EVA1C: variants seen among roughly 807,000 people sequenced by gnomAD.
EVA1C encodes protein eva-1 homolog C.
In EVA1C, 25 loss-of-function variants were observed where a neutral mutation model predicts 45.4. That is an observed-to-expected ratio of 0.55 (90% CI 0.40 to 0.77). The LOEUF is 0.77. EVA1C is among the 30% of genes least tolerant of loss of function. EVA1C has a pLI of 0.00. For synonymous variants in EVA1C, 190 were observed against 221.2 expected (o/e 0.86, Z 1.25); for missense variants, 479 against 554.8 (o/e 0.86, Z 1.37).
At chr21:32,477,212 A>G (rs371235327) in intron 4 of EVA1C, among the ~76,000 whole-genome samples, 2 of 152,056 alleles carry the variant, frequency 1.3e-5, no homozygotes, top group African/African-American at 4.8e-5. Flanking sequence ...GCACATCAAG[A>G]TGACAGATAC....
At chr21:32,418,717 C>T (rs551207875) in intron 1 of EVA1C, among the ~76,000 whole-genome samples, 11 of 151,856 alleles carry the variant, frequency 7.2e-5, no homozygotes, top group Admixed American at 4.6e-4. Flanking sequence ...CTGGGGACTT[C>T]GCCTGCAAGG....
chr21:32,434,880 A>G (rs2034875510), intron 1 of EVA1C, among the ~76,000 whole-genome samples: 1 of 152,284 alleles, frequency 6.6e-6, no homozygotes, highest in Non-Finnish European at 1.5e-5. Flanking sequence ...AGCTTGTGGT[A>G]CCTTGTTATA....
At chr21:32,416,628 C>T (rs80010830) in intron 1 of EVA1C, among the ~76,000 whole-genome samples, 1 of 152,172 alleles carries the variant, frequency 6.6e-6, no homozygotes. Flanking sequence ...CGCACCCAGC[C>T]TCTCCTTTTC....
Position 32,430,241 on chromosome 21 carries a change from A to G in EVA1C, c.160+17228A>G, listed in dbSNP as rs141849995. Among the ~76,000 whole-genome samples the G allele has an allele frequency of 3.0e-3, 462 of 152,240 alleles. 1 individual carries two copies. The highest frequency in any genetic ancestry group is 5.0e-3 in the Non-Finnish European group (339 of 68,016). On this transcript the variant is annotated intron_variant, in intron 1 of 7. Coordinates refer to ENST00000300255, the MANE Select transcript of EVA1C (RefSeq NM_058187.5). ...CCAGCTTGCCTTCTTACTGCCTGGA[A>G]GAAGACTGGTGCCCTCTCGCCTTCT...
At chr21:32,494,131 A>C (rs2037262241) in intron 4 of EVA1C, among the ~76,000 whole-genome samples, 2 of 152,146 alleles carry the variant, frequency 1.3e-5, no homozygotes, top group Admixed American at 6.6e-5. Flanking sequence ...GATGGTACTT[A>C]GCACAGTGCC....
intron 7 of EVA1C, among the ~76,000 whole-genome samples, chr21:32,513,788 A>C (rs1212951676): frequency 1.3e-5 from 2 of 150,400 alleles, no homozygotes. Flanking sequence ...CAATCCACCC[A>C]CCTTGGCCTC....
chr21:32,474,746 C>T lies in EVA1C; in HGVS notation c.634+6898C>T, dbSNP rs1601363978. The stretch of plus-strand genomic sequence containing the variant: ...AAGTGAGGTGCCCACACTCGGCTCC[C>T]GAGGATGGATAATCGTCTGGTTACA... On this transcript the variant is annotated intron_variant, in intron 4 of 7. Coordinates refer to ENST00000300255, the MANE Select transcript of EVA1C (RefSeq NM_058187.5). This position sits in a 1 kb window ranked among gnomAD's most constrained non-coding sequence, Gnocchi z 4.4. Among the ~76,000 whole-genome samples the T allele has an allele frequency of 6.6e-6, 1 of 152,306 alleles. No homozygotes were observed. Among genetic ancestry groups the T allele is most frequent in the Non-Finnish European group, 1.5e-5 (1 of 68,034 alleles).
chr21:32,505,829 C>T (rs1256301873), intron 7 of EVA1C, among the ~76,000 whole-genome samples: 1 of 152,130 alleles, frequency 6.6e-6, no homozygotes, highest in African/African-American at 2.4e-5. Flanking sequence ...CCCCTTATGG[C>T]CTCCTTTAAC....
In EVA1C at chr21:32,515,008, T is replaced by A. The variant is rs200285305; in HGVS notation, c.1144T>A (p.Ser382Thr). 2.4e-5 allele frequency: 39 copies of A among 1,614,134 alleles called. No homozygotes were observed. The East Asian group carries it at 8.0e-4, about 33-fold the overall frequency. Reference sequence around the variant, plus strand: ...GGATGAAGAAGAGGAGGAGGACCCCTCTGAGTCTGATTTCCCAGGGGAACT... The same window carrying A: ...GGATGAAGAAGAGGAGGAGGACCCCACTGAGTCTGATTTCCCAGGGGAACT... ...SEDEEEEEDP[S>T]ESDFPGELSG... Residue 382 changes from serine to threonine, a missense_variant, in exon 8 of 8, where the codon TCT becomes ACT. Ser to Thr is a moderately conservative substitution (Grantham distance 58). Transcript: ENST00000300255.
chr21:32,448,024 C>T (rs917213464), intron 1 of EVA1C, among the ~76,000 whole-genome samples: 9 of 152,096 alleles, frequency 5.9e-5, no homozygotes, highest in Non-Finnish European at 1.0e-4. Flanking sequence ...ACTTTTCAAC[C>T]TTTTCCGAAC....
chr21:32,457,892 G>A (rs1266247995), intron 3 of EVA1C, among the ~76,000 whole-genome samples, 172 bp downstream of exon 3: 1 of 152,178 alleles, frequency 6.6e-6, no homozygotes, highest in Non-Finnish European at 1.5e-5. Context: ...AAGAAAGACA[G>A]AGAAAGAAAG....
At chr21:32,485,046 C>A (rs1210254559) in intron 4 of EVA1C, among the ~76,000 whole-genome samples, 1 of 152,158 alleles carries the variant, frequency 6.6e-6, no homozygotes, top group Non-Finnish European at 1.5e-5. Context: ...AAGCGTCAAA[C>A]ATATTAGACG....
rs1401242045 is a variant in EVA1C at position 32,452,072 on chromosome 21, A to G, written c.161-1240A>G. 1 of 152,264 alleles carries G rather than the reference A, an allele frequency of 6.6e-6. No individual in the cohort carries two copies. The highest frequency in any genetic ancestry group is 1.9e-4 in the East Asian group (1 of 5,186). 9.4% of individuals were successfully genotyped at this position (152,264 alleles called of 1,614,324 possible). Reference sequence around the variant, plus strand: ...GAGCCAAGAGTGATTTCTTGAAATGAAATTGCATCCTCTCATTCCAATAAG... The same window carrying G: ...GAGCCAAGAGTGATTTCTTGAAATGGAATTGCATCCTCTCATTCCAATAAG... On this transcript the variant is annotated intron_variant, in intron 1 of 7. Coordinates refer to ENST00000300255, the MANE Select transcript of EVA1C (RefSeq NM_058187.5). This position sits in a 1 kb window ranked among gnomAD's most constrained non-coding sequence, Gnocchi z 4.0.
In EVA1C at chr21:32,412,761, C is replaced by A; in HGVS notation, c.-93C>A. 1.6e-6 allele frequency: 2 copies of A among 1,220,460 alleles called. No individual in the cohort carries two copies. The highest frequency in any genetic ancestry group is 1.1e-6 in the Non-Finnish European group (1 of 951,618). The allele number at this position is 1,220,460 out of a possible 1,614,324, so 75.6% of individuals were successfully genotyped here. A position where few individuals can be genotyped will look rare whatever the true frequency, so the allele number is the denominator to read the frequency against. ...CGGCGGGGGGCCGCGGAGCCGCTGG[C>A]CATCGATTCTCCCCGCCATGTGACG... On this transcript the variant is annotated 5_prime_UTR_variant, in exon 1 of 8. Transcript: ENST00000300255.
At position 32,412,848 on chromosome 21, in the gene EVA1C, C is replaced by T. The variant is rs1346311142; in HGVS notation, c.-6C>T. The T allele has an allele frequency of 2.0e-6, 3 of 1,468,450 alleles. No homozygotes were observed. Among genetic ancestry groups the T allele is most frequent in the Non-Finnish European group, 2.7e-6 (3 of 1,117,086 alleles). 91.0% of individuals were successfully genotyped at this position (1,468,450 alleles called of 1,614,324 possible). A position where few individuals can be genotyped will look rare whatever the true frequency, so the allele number is the denominator to read the frequency against. On this transcript the variant is annotated 5_prime_UTR_variant, in exon 1 of 8. Transcript: ENST00000300255. ...CCTGCGCCTCCGCCCCGCCGCGCAGCGCACGATGCTTCTGCCGGGACGCGC... is the reference window on the plus strand; with the variant it reads ...CCTGCGCCTCCGCCCCGCCGCGCAGTGCACGATGCTTCTGCCGGGACGCGC...
At chr21:32,479,919 T>C (rs1322172972) in intron 4 of EVA1C, among the ~76,000 whole-genome samples, 1 of 151,918 alleles carries the variant, frequency 6.6e-6, no homozygotes, top group Non-Finnish European at 1.5e-5. Context: ...TAAGAAAATA[T>C]AGGTTTCCCA....
intron 4 of EVA1C, among the ~76,000 whole-genome samples, chr21:32,493,282 C>T (rs1426166536): frequency 1.3e-5 from 2 of 152,154 alleles, no homozygotes; most frequent in Non-Finnish European, 2.9e-5. Context: ...CTTTGGTTCC[C>T]GTTTCTCTCC....
intron 1 of EVA1C, among the ~76,000 whole-genome samples, chr21:32,421,216 G>A (rs954075908): frequency 6.7e-6 from 1 of 149,676 alleles, no homozygotes; most frequent in Non-Finnish European, 1.5e-5. Context: ...GATAGCTGGT[G>A]CTAACCCTAT....
At chr21:32,457,429 C>T (rs1273476127) in intron 2 of EVA1C, among the ~76,000 whole-genome samples, 168 bp from the exon 3 acceptor site, 1 of 152,202 alleles carries the variant, frequency 6.6e-6, no homozygotes, top group Non-Finnish European at 1.5e-5. Flanking sequence ...AGCAGGGAGA[C>T]AGGGAGCTAA....
Sources: allele counts gnomAD v4.1 joint callset (sites outside exome capture counted in the v4.1 genomes callset), GRCh38; gene constraint gnomAD v4.1.1; non-coding constraint Gnocchi (gnomAD v3.1); transcripts MANE v1.5; gene names NCBI Gene and HGNC (gene_info 2026-07-23, HGNC 2026-07-21).